TENM3: variants seen among roughly 807,000 people sequenced by gnomAD.
The protein encoded by TENM3 is teneurin transmembrane protein 3.
In TENM3, 63 loss-of-function variants were observed where a neutral mutation model predicts 255.1. That is an observed-to-expected ratio of 0.25 (90% CI 0.20 to 0.30). The LOEUF is 0.30. Ranked by LOEUF, TENM3 falls within the 10% of genes least tolerant of loss-of-function variation. The pLI is 1.00. For missense variants in TENM3, 2,929 were observed against 3,461.1 expected (o/e 0.85, Z 3.86); for synonymous variants, 1,306 against 1,322.3 (o/e 0.99, Z 0.27).
At chr4:182,375,787 A>T (rs568963388) in intron 3 of TENM3, among the ~76,000 whole-genome samples, 4 of 152,194 alleles carry the variant, frequency 2.6e-5, no homozygotes, top group African/African-American at 9.6e-5. Context: ...CAGGTGATCC[A>T]CCTGCCTCAG....
intron 3 of TENM3, among the ~76,000 whole-genome samples, chr4:182,482,957 T>C (rs11724988): frequency 0.47 from 70,934 of 152,074 alleles, 17,956 homozygotes; most frequent in East Asian, 0.74. Context: ...ACATGTCATA[T>C]ACTTAAAGTT....
intron 19 of TENM3, chr4:182,744,063 T>C (rs1420920944): frequency 1.6e-5 from 14 of 855,004 alleles, no homozygotes; most frequent in South Asian, 4.7e-5. Context: ...CAACTCATTA[T>C]ATTTTAGAAG....
chr4:182,553,379 G>T (rs896127638), intron 3 of TENM3, among the ~76,000 whole-genome samples: 1 of 127,464 alleles, frequency 7.8e-6, no homozygotes, highest in Non-Finnish European at 1.6e-5. Flanking sequence ...GGAGCCTGTC[G>T]TGGGGTGGGG....
At chr4:182,750,441 G>T (rs1439007959) in intron 19 of TENM3, among the ~76,000 whole-genome samples, 3 of 152,140 alleles carry the variant, frequency 2.0e-5, no homozygotes, top group African/African-American at 7.2e-5. Context: ...TGATCTGCTG[G>T]CCTCCTCTAA....
intron 3 of TENM3, among the ~76,000 whole-genome samples, chr4:182,564,077 T>G (rs1743503200): frequency 6.6e-6 from 1 of 152,130 alleles, no homozygotes; most frequent in South Asian, 2.1e-4. Flanking sequence ...GGAAAGAGCC[T>G]CAAATGCAGC....
At chr4:181,506,841 A>G in the TENM3 span, among the ~76,000 whole-genome samples, 2 of 152,142 alleles carry the variant, frequency 1.3e-5, no homozygotes, top group African/African-American at 4.8e-5. Context: ...GTATTCCAAT[A>G]TTATGTGGTC....
intron 3 of TENM3, among the ~76,000 whole-genome samples, chr4:182,361,508 G>A (rs990003252): frequency 4.6e-5 from 7 of 151,870 alleles, no homozygotes; most frequent in South Asian, 2.1e-4. Context: ...CCAGTTGATC[G>A]CATCGGCTCC....
chr4:182,342,655 T>C (rs1212113633), intron 2 of TENM3, among the ~76,000 whole-genome samples: 1 of 152,178 alleles, frequency 6.6e-6, no homozygotes, highest in Non-Finnish European at 1.5e-5. Flanking sequence ...AACTGTTTGT[T>C]TTTTTAAAGG....
chr4:181,788,846 T>A, the TENM3 span, among the ~76,000 whole-genome samples: 588 of 152,278 alleles, frequency 3.9e-3, 5 homozygotes, highest in Non-Finnish European at 6.0e-3. Flanking sequence ...AATCCCTCCG[T>A]CTCAGCTTTC....
chr4:181,602,582 A>T, the TENM3 span, among the ~76,000 whole-genome samples: 4 of 152,220 alleles, frequency 2.6e-5, no homozygotes, highest in African/African-American at 9.7e-5. Context: ...ATCTTGTGTG[A>T]TGCTAGACAA....
the TENM3 span, among the ~76,000 whole-genome samples, chr4:181,544,432 A>AAAC: frequency 6.8e-6 from 1 of 146,398 alleles, no homozygotes; most frequent in Non-Finnish European, 1.5e-5. Flanking sequence ...AAAAAAAAAA[A>AAAC]AAAACTATAA....
the TENM3 span, among the ~76,000 whole-genome samples, chr4:182,043,166 A>G: frequency 6.6e-5 from 10 of 152,174 alleles, no homozygotes; most frequent in African/African-American, 2.2e-4. Context: ...GCACACATAC[A>G]CATTCTTACA....
At chr4:181,871,371 A>G in the TENM3 span, among the ~76,000 whole-genome samples, 1 of 152,104 alleles carries the variant, frequency 6.6e-6, no homozygotes, top group African/African-American at 2.4e-5. Flanking sequence ...GAGTCTTCCA[A>G]TCCATGAATA....
At chr4:182,407,220 G>A (rs911322568) in intron 3 of TENM3, among the ~76,000 whole-genome samples, 2 of 152,108 alleles carry the variant, frequency 1.3e-5, no homozygotes, top group African/African-American at 4.8e-5. Flanking sequence ...TAAAATCAAT[G>A]CTATGAGAAG....
At chr4:181,938,421 A>G in the TENM3 span, among the ~76,000 whole-genome samples, 109 of 152,332 alleles carry the variant, frequency 7.2e-4, no homozygotes, top group Non-Finnish European at 1.2e-3. Flanking sequence ...CCTACTTTGC[A>G]GAATAGTCAA....
chr4:181,649,296 G>A, the TENM3 span, among the ~76,000 whole-genome samples: 1 of 152,290 alleles, frequency 6.6e-6, no homozygotes, highest in African/African-American at 2.4e-5. Flanking sequence ...AGTAATGTGA[G>A]GCCTACAGCC....
At chr4:181,724,109 A>G in the TENM3 span, among the ~76,000 whole-genome samples, 1 of 152,244 alleles carries the variant, frequency 6.6e-6, no homozygotes, top group Non-Finnish European at 1.5e-5. Flanking sequence ...ACATGCAGGT[A>G]AAATCCAGTT....
chr4:181,917,049 C>A, the TENM3 span, among the ~76,000 whole-genome samples: 1 of 152,104 alleles, frequency 6.6e-6, no homozygotes, highest in Non-Finnish European at 1.5e-5. Flanking sequence ...CTCCCAATAG[C>A]CATTCCTTTT....
chr4:182,628,528 G>A (rs1581151746), intron 4 of TENM3, 123 bp from the exon 5 acceptor site: 3 of 648,616 alleles, frequency 4.6e-6, no homozygotes, highest in East Asian at 5.4e-5. Flanking sequence ...GGTTATATAG[G>A]ATAAATTCTT....
Sources: gnomAD v4.1 joint callset for allele counts (sites outside exome capture counted in the v4.1 genomes callset) on GRCh38, gnomAD v4.1.1 for gene constraint, MANE v1.5 for transcripts, NCBI Gene and HGNC (gene_info 2026-07-23, HGNC 2026-07-21) for gene names.